The following SDK2 variants were observed in gnomAD, a reference collection of about 807,000 sequenced individuals.
SDK2 encodes protein sidekick-2.
In SDK2, 105 loss-of-function variants were observed where a neutral mutation model predicts 253.9. The observed-to-expected ratio is 0.41, with a 90% confidence interval of 0.35 to 0.49. The LOEUF (loss-of-function observed/expected upper bound fraction) is 0.49. Ranked by LOEUF, SDK2 falls within the 20% of genes least tolerant of loss-of-function variation. The pLI is 0.06. For synonymous variants in SDK2, 1,249 were observed against 1,234.9 expected (o/e 1.01, Z -0.24); for missense variants, 2,608 against 3,003.0 (o/e 0.87, Z 3.07).
At chr17:73,594,662 T>G (rs1434347677) in intron 1 of SDK2, among the ~76,000 whole-genome samples, 1 of 152,014 alleles carries the variant, frequency 6.6e-6, no homozygotes, top group Non-Finnish European at 1.5e-5. Flanking sequence ...AGCACACATA[T>G]GCACACATAC....
intron 1 of SDK2, among the ~76,000 whole-genome samples, chr17:73,543,335 C>T (rs768853222): frequency 1.6e-4 from 24 of 152,068 alleles, no homozygotes; most frequent in African/African-American, 3.9e-4. Flanking sequence ...GCTGTCCTTC[C>T]GATGTCCTCA....
chr17:73,471,729 G>T (rs976595874), intron 3 of SDK2, among the ~76,000 whole-genome samples: 1 of 152,176 alleles, frequency 6.6e-6, no homozygotes, highest in African/African-American at 2.4e-5. Context: ...GGACCACAGA[G>T]GAGGCATTGG....
At chr17:73,583,825 G>T (rs2045569173) in intron 1 of SDK2, among the ~76,000 whole-genome samples, 1 of 152,116 alleles carries the variant, frequency 6.6e-6, no homozygotes. Flanking sequence ...GAAATTTTAT[G>T]CCTGGCTCTG....
At chr17:73,438,628 G>T (rs560906028) in intron 6 of SDK2, among the ~76,000 whole-genome samples, 1 of 135,770 alleles carries the variant, frequency 7.4e-6, no homozygotes, top group Non-Finnish European at 1.6e-5. Context: ...AATAAGGGCA[G>T]ACAAGACAGA....
chr17:73,393,571 G>T lies in SDK2; in HGVS notation c.3887C>A (p.Thr1296Lys). Residue 1296 changes from threonine (T) to lysine (K), a missense_variant, in exon 27 of 45, where the codon ACG becomes AAG. Physicochemically the swap from Thr to Lys is moderately conservative, Grantham distance 78. Coordinates refer to ENST00000392650, the MANE Select transcript of SDK2 (RefSeq NM_001144952.2). Reference sequence around the variant, plus strand: ...GGATACGGACTCACCATCATCCAGCGTCCGCTCCAGGATGGGAGGGTGGCT... The same window carrying T: ...GGATACGGACTCACCATCATCCAGCTTCCGCTCCAGGATGGGAGGGTGGCT... Reference protein sequence around the residue: ...SPSHPPILERTLDDVPGPPMG... With the variant: ...SPSHPPILERKLDDVPGPPMG... 1 of 1,561,012 alleles carries T rather than the reference G, an allele frequency of 6.4e-7. No individual in the cohort carries two copies. The highest frequency in any genetic ancestry group is 8.7e-7 in the Non-Finnish European group (1 of 1,145,080).
chr17:73,469,182 A>G (rs1249784306), intron 3 of SDK2, among the ~76,000 whole-genome samples: 1 of 152,106 alleles, frequency 6.6e-6, no homozygotes, highest in Non-Finnish European at 1.5e-5. Context: ...CAGCCTGCCA[A>G]CACTGTAAGG....
rs2063460160 is a variant in SDK2, at chr17:73,447,421, C to T, written c.613+194G>A. 6.6e-6 allele frequency among the ~76,000 whole-genome samples: 1 copy of T among 152,060 alleles called. No homozygotes were observed. Among genetic ancestry groups the T allele is most frequent in the Non-Finnish European group, 1.5e-5 (1 of 68,010 alleles). Reference sequence around the variant, plus strand: ...TGTCATGGGAACGGGCTCCAGCGTTCAGCTGCTCCTTTCCTGCCCAGGCAC... The same window carrying T: ...TGTCATGGGAACGGGCTCCAGCGTTTAGCTGCTCCTTTCCTGCCCAGGCAC... On this transcript the variant is annotated intron_variant, in intron 5 of 44. Transcript: ENST00000392650. The surrounding 1 kb of genome is among the most constrained non-coding windows in gnomAD (Gnocchi z 4.0).
intron 3 of SDK2, among the ~76,000 whole-genome samples, chr17:73,462,492 A>G (rs2145675787): frequency 6.6e-6 from 1 of 152,130 alleles, no homozygotes; most frequent in African/African-American, 2.4e-5. Context: ...ATTTACATGT[A>G]TGCATGTTTA....
At chr17:73,596,999 G>A (rs951423403) in intron 1 of SDK2, among the ~76,000 whole-genome samples, 1 of 152,156 alleles carries the variant, frequency 6.6e-6, no homozygotes, top group African/African-American at 2.4e-5. Context: ...CCTAGGAATC[G>A]TCTCCTCACT....
chr17:73,633,862 G>A (rs763836478), intron 1 of SDK2, among the ~76,000 whole-genome samples: 1 of 152,150 alleles, frequency 6.6e-6, no homozygotes, highest in Non-Finnish European at 1.5e-5. Context: ...GGTCAGTGGA[G>A]AGGAGAACAG....
intron 1 of SDK2, among the ~76,000 whole-genome samples, chr17:73,604,367 C>G (rs1156294414): frequency 6.6e-6 from 1 of 152,244 alleles, no homozygotes; most frequent in Non-Finnish European, 1.5e-5. Context: ...ACAAAACAAA[C>G]TCAGGGCACA....
chr17:73,639,557 A>G lies in SDK2; in HGVS notation c.64+4468T>C, dbSNP rs759397704. ...TTGCTATTGGCATCCCAAGGCCCCA[A>G]ATTATGATGACTAATTCCCACCGCT... On this transcript the variant is annotated intron_variant, in intron 1 of 44. Coordinates refer to ENST00000392650, the MANE Select transcript of SDK2 (RefSeq NM_001144952.2). The surrounding 1 kb of genome is among the most constrained non-coding windows in gnomAD (Gnocchi z 4.3). Among the ~76,000 whole-genome samples, 20 of 152,148 alleles carry G rather than the reference A, an allele frequency of 1.3e-4. No homozygotes were observed. Among genetic ancestry groups the G allele is most frequent in the Non-Finnish European group, 2.5e-4 (17 of 68,024 alleles).
intron 36 of SDK2, among the ~76,000 whole-genome samples, chr17:73,377,438 C>T (rs529713708): frequency 6.6e-5 from 10 of 151,658 alleles, no homozygotes; most frequent in Admixed American, 5.9e-4. Context: ...AGGCTGGTCT[C>T]GATCTCCTGA....
intron 16 of SDK2, 46 bp downstream of exon 16, chr17:73,419,120 C>A (rs1568394046): frequency 1.3e-6 from 2 of 1,596,908 alleles, no homozygotes; most frequent in East Asian, 4.5e-5. Flanking sequence ...TTCCCCCATG[C>A]CTTTCCCCTT....
intron 1 of SDK2, among the ~76,000 whole-genome samples, chr17:73,597,770 C>T (rs1178397176): frequency 1.3e-5 from 2 of 151,912 alleles, no homozygotes; most frequent in Non-Finnish European, 2.9e-5. Context: ...CTCAGCCTCC[C>T]AAGTAGCTGA....
At chr17:73,427,455 G>A (rs2145599688) in intron 12 of SDK2, among the ~76,000 whole-genome samples, 1 of 152,288 alleles carries the variant, frequency 6.6e-6, no homozygotes, top group South Asian at 2.1e-4. Flanking sequence ...GAGTAGTCAT[G>A]ACAAGACCAT....
At position 73,534,743 on chromosome 17, in the gene SDK2, A is replaced by G. The variant is rs1567828135; in HGVS notation, c.65-27146T>C. Among the ~76,000 whole-genome samples the G allele has an allele frequency of 6.6e-6, 1 of 152,154 alleles. No individual in the cohort carries two copies. The highest frequency in any genetic ancestry group is 2.4e-5 in the African/African-American group (1 of 41,426). On this transcript the variant is annotated intron_variant, in intron 1 of 44. Transcript: ENST00000392650. The surrounding 1 kb of genome is among the most constrained non-coding windows in gnomAD (Gnocchi z 4.9). ...TGACAGCTGAGAGTGGAGTAGGCCT[A>G]GGCCCTGACCTTTCTTCCTCTCATC...
At position 73,433,760 on chromosome 17, in the gene SDK2, C is replaced by A. The variant is rs368288903; in HGVS notation, c.1284G>T (p.Ala428=). The A allele has an allele frequency of 3.6e-5, 58 of 1,606,986 alleles. No individual in the cohort carries two copies. Among genetic ancestry groups the A allele is most frequent in the African/African-American group, 6.7e-5 (5 of 74,822 alleles). The change falls in exon 10 of 45, where the codon GCG becomes GCT. Residue 428 remains alanine, a synonymous_variant. Coordinates refer to ENST00000392650, the MANE Select transcript of SDK2 (RefSeq NM_001144952.2). ...TCTGCCAAGTGATAGCTGGTCGGGG[C>A]GCCCCCGAGGTCTCACATGCTAGCA... The part of the protein sequence containing the change: ...SVVLACETSG[A]PRPAITWQKG...
At chr17:73,380,454 C>T (rs963696948) in intron 34 of SDK2, among the ~76,000 whole-genome samples, 8 of 152,144 alleles carry the variant, frequency 5.3e-5, no homozygotes, top group African/African-American at 1.2e-4. Context: ...GGACGACGGA[C>T]GCAGGTGACT....
Sources: gnomAD v4.1 joint callset for allele counts (sites outside exome capture counted in the v4.1 genomes callset) on GRCh38, gnomAD v4.1.1 for gene constraint, Gnocchi (gnomAD v3.1) non-coding constraint, MANE v1.5 for transcripts, NCBI Gene and HGNC (gene_info 2026-07-23, HGNC 2026-07-21) for gene names.